Variants in TJP3 observed in about 807,000 individuals in gnomAD.
The protein encoded by TJP3 is tight junction protein ZO-3.
TJP3 carries 85 observed loss-of-function variants against 104.2 expected under a neutral mutation model. The ratio of observed to expected loss-of-function variants is 0.82; its 90% CI spans 0.68 to 0.98. The LOEUF (loss-of-function observed/expected upper bound fraction) is 0.98, where lower values mean the gene tolerates loss of function less well. Ranked by LOEUF, TJP3 falls within the 50% of genes least tolerant of loss-of-function variation. TJP3 has a pLI of 0.00. For synonymous variants in TJP3, 550 were observed against 550.6 expected (o/e 1.00, Z 0.02); for missense variants, 1,367 against 1,322.8 (o/e 1.03, Z -0.52).
chr19:3,736,318 G>A lies in TJP3; in HGVS notation c.1281G>A (p.Leu427=), dbSNP rs774778127. 2.0e-5 allele frequency: 30 copies of A among 1,529,092 alleles called. No individual in the cohort carries two copies. The South Asian group carries it at 3.7e-4, about 19-fold the overall frequency. 94.7% of individuals were successfully genotyped at this position (1,529,092 alleles called of 1,614,324 possible). The change falls in exon 11 of 21, where the codon CTG becomes CTA. Residue 427 remains leucine (L), a synonymous_variant. Transcript: ENST00000541714. ...GQGIQEGDQI[L]QVNDVPFQNL... is the part of the protein sequence containing the mutation. Reference sequence around the variant, plus strand: ...GCATCCAGGAGGGAGATCAGATTCTGCAGGTGCTCCGGGGGCGGCTGGCCA... The same window carrying A: ...GCATCCAGGAGGGAGATCAGATTCTACAGGTGCTCCGGGGGCGGCTGGCCA...
intron 14 of TJP3, among the ~76,000 whole-genome samples, chr19:3,741,812 T>C (rs2036825374): frequency 6.8e-6 from 1 of 148,120 alleles, no homozygotes; most frequent in Non-Finnish European, 1.5e-5. Flanking sequence ...CTACTAAAAG[T>C]ACAAAAAATT....
In TJP3 at chr19:3,730,646, C is replaced by G; in HGVS notation, c.553C>G (p.Arg185Gly). The change falls in exon 5 of 21, where the codon CGG becomes GGG. Residue 185 changes from arginine (R) to glycine (G), a missense_variant. Physicochemically the swap from Arg to Gly is moderately radical, Grantham distance 125. Coordinates refer to ENST00000541714, the MANE Select transcript of TJP3 (RefSeq NM_001267560.2). The surrounding 1 kb of genome is among the most constrained non-coding windows in gnomAD (Gnocchi z 7.3). ...GGTGTCCGGCTTTAAGCGGCTGCCA[C>G]GGCAGGACGTGCAGATGAAGCCTGT... ...ALVSGFKRLP[R>G]QDVQMKPVKS... The G allele has an allele frequency of 6.2e-7, 1 of 1,611,646 alleles. No homozygotes were observed. Among genetic ancestry groups the G allele is most frequent in the South Asian group, 1.1e-5 (1 of 91,088 alleles).
chr19:3,741,636 A>AAG (rs1308216314), intron 14 of TJP3, among the ~76,000 whole-genome samples: 1 of 147,778 alleles, frequency 6.8e-6, no homozygotes, highest in Admixed American at 6.8e-5. Flanking sequence ...AAAAGAAAAA[A>AAG]AAAAAAAAGC....
chr19:3,746,444 C>T lies in TJP3; in HGVS notation c.2011-41C>T. 6.2e-7 allele frequency: 1 copy of T among 1,600,600 alleles called. No homozygotes were observed. Among genetic ancestry groups the T allele is most frequent in the Non-Finnish European group, 8.6e-7 (1 of 1,169,212 alleles). On this transcript the variant is annotated intron_variant, in intron 16 of 20. Transcript: ENST00000541714. This position sits in a 1 kb window ranked among gnomAD's most constrained non-coding sequence, Gnocchi z 4.1. ...TATCTTTCTCTCTCTGTTTACCCTG[C>T]TGCAATCCCCCTCACCCCAACGTCC...
At chr19:3,710,956 T>G (rs1018883509) in intron 1 of TJP3, among the ~76,000 whole-genome samples, 2 of 151,960 alleles carry the variant, frequency 1.3e-5, no homozygotes. Context: ...CAGGCTGGAG[T>G]GCGGTGGCGC....
chr19:3,735,349 ACCATCATGC>A (rs1315300586), intron 8 of TJP3, among the ~76,000 whole-genome samples: 1 of 151,744 alleles, frequency 6.6e-6, no homozygotes, highest in African/African-American at 2.4e-5. Context: ...ACAGGCGCCC[ACCATCATGC>A]CCGGCTAATT....
rs372321269 is a variant in TJP3, at chr19:3,746,517, C to T, written c.2043C>T (p.Ser681=). 1.5e-5 allele frequency: 25 copies of T among 1,614,062 alleles called. No individual in the cohort carries two copies. The highest frequency in any genetic ancestry group is 6.7e-5 in the Admixed American group (4 of 60,016). The stretch of plus-strand genomic sequence containing the variant: ...ATGCGCTCCTGGATGTGACCCCCTC[C>T]GCCATCGAGCGCCTCAACTATGTGC... ...DKHALLDVTP[S]AIERLNYVQY... is the part of the protein sequence containing the mutation. Residue 681 remains serine, a synonymous_variant, in exon 17 of 21, where the codon TCC becomes TCT. Transcript: ENST00000541714. The surrounding 1 kb of genome is among the most constrained non-coding windows in gnomAD (Gnocchi z 4.1).
At position 3,719,054 on chromosome 19, in the gene TJP3, G is replaced by A. The variant is rs141792042; in HGVS notation, c.-9-9370G>A. 3.7e-3 allele frequency among the ~76,000 whole-genome samples: 556 copies of A among 151,934 alleles called. 1 individual carries two copies. The highest frequency in any genetic ancestry group is 0.02 in the East Asian group (100 of 5,094). On this transcript the variant is annotated intron_variant, in intron 1 of 20. Coordinates refer to ENST00000541714, the MANE Select transcript of TJP3 (RefSeq NM_001267560.2). ...CAAAAATTAGCCACGCGTGGTGGCC[G>A]GCGCCTGTAGTCCCAGCTACTCAGG...
At chr19:3,727,035 C>T (rs561720360) in intron 1 of TJP3, among the ~76,000 whole-genome samples, 4 of 151,658 alleles carry the variant, frequency 2.6e-5, no homozygotes, top group Non-Finnish European at 4.4e-5. Context: ...TGCATTGAAC[C>T]GTGATCACAC....
chr19:3,739,408 T>C (rs1438249886), intron 13 of TJP3, among the ~76,000 whole-genome samples: 1 of 152,114 alleles, frequency 6.6e-6, no homozygotes, highest in Non-Finnish European at 1.5e-5. Context: ...GAGAATCGCT[T>C]GAACCTGGGA....
Position 3,739,099 on chromosome 19 carries a change from G to C in TJP3, c.1596G>C (p.Arg532=), listed in dbSNP as rs764050548. The change falls in exon 13 of 21, where the codon CGG becomes CGC. Residue 532 remains arginine, a synonymous_variant. Transcript: ENST00000541714. ...WLAVRMGRDL[R]EQERGIIPNQ... is the part of the protein sequence containing the mutation. Reference sequence around the variant, plus strand: ...CGGTGCGCATGGGTCGTGACCTGCGGGAGCAAGAGCGGGGCATCATTCCCA... The same window carrying C: ...CGGTGCGCATGGGTCGTGACCTGCGCGAGCAAGAGCGGGGCATCATTCCCA... The C allele has an allele frequency of 2.4e-5, 38 of 1,583,184 alleles. No individual in the cohort carries two copies. The highest frequency in any genetic ancestry group is 3.5e-5 in the Admixed American group (2 of 57,786).
intron 1 of TJP3, among the ~76,000 whole-genome samples, chr19:3,728,195 G>A (rs1242847192): frequency 3.3e-5 from 5 of 151,978 alleles, no homozygotes; most frequent in Non-Finnish European, 5.9e-5. Flanking sequence ...AGCTGAGATC[G>A]TGCCACTGCA....
intron 1 of TJP3, among the ~76,000 whole-genome samples, chr19:3,714,341 G>A (rs2036458551): frequency 6.6e-6 from 1 of 151,020 alleles, no homozygotes; most frequent in East Asian, 2.0e-4. Context: ...CACTACGCTT[G>A]GCTAATTTTA....
chr19:3,725,063 C>G (rs185979752), intron 1 of TJP3, among the ~76,000 whole-genome samples: 28 of 152,196 alleles, frequency 1.8e-4, no homozygotes, highest in Admixed American at 1.7e-3. Context: ...GAATTTGAGA[C>G]CAGCTTGGTC....
At chr19:3,729,572 G>A (rs759024523) in intron 3 of TJP3, among the ~76,000 whole-genome samples, 1 of 152,004 alleles carries the variant, frequency 6.6e-6, no homozygotes, top group Non-Finnish European at 1.5e-5. Context: ...CCTGAGGTCA[G>A]GAGTTCAAAA....
At chr19:3,713,073 T>C (rs1367007438) in intron 1 of TJP3, among the ~76,000 whole-genome samples, 1 of 152,038 alleles carries the variant, frequency 6.6e-6, no homozygotes, top group Non-Finnish European at 1.5e-5. Context: ...TGAGTCCTAC[T>C]TCAAAGTGCC....
At chr19:3,728,331 A>T in intron 1 of TJP3, 93 bp from the exon 2 acceptor site, 1 of 1,599,242 alleles carries the variant, frequency 6.3e-7, no homozygotes, top group South Asian at 1.1e-5. Context: ...CAGGCCTGTC[A>T]GAGCTGGACT....
chr19:3,732,721 C>T (rs754943368), intron 6 of TJP3, among the ~76,000 whole-genome samples: 2 of 151,908 alleles, frequency 1.3e-5, no homozygotes, highest in Non-Finnish European at 2.9e-5. Flanking sequence ...GTTGGCCAGG[C>T]TGGTCTCGAA....
At chr19:3,740,147 G>A (rs979031301) in intron 13 of TJP3, among the ~76,000 whole-genome samples, 4 of 152,056 alleles carry the variant, frequency 2.6e-5, no homozygotes, top group South Asian at 2.1e-4. Flanking sequence ...CATGAGAATC[G>A]CTTGAACCTG....
Sources: allele counts gnomAD v4.1 joint callset (sites outside exome capture counted in the v4.1 genomes callset), GRCh38; gene constraint gnomAD v4.1.1; non-coding constraint Gnocchi (gnomAD v3.1); transcripts MANE v1.5; gene names NCBI Gene and HGNC (gene_info 2026-07-23, HGNC 2026-07-21).